Variants in SLC44A5 observed in about 807,000 individuals in gnomAD.
SLC44A5 encodes the protein choline transporter-like protein 5.
SLC44A5 carries 57 observed loss-of-function variants against 101.8 expected under a neutral mutation model. The observed-to-expected ratio is 0.56, with a 90% CI of 0.45 to 0.70. SLC44A5 has a LOEUF of 0.70. Among genes scored for constraint, SLC44A5 ranks in the 30% least tolerant of loss-of-function variants. The pLI, the probability that SLC44A5 is intolerant of heterozygous loss-of-function variation, is 0.00. For synonymous variants in SLC44A5, 281 were observed against 290.9 expected (o/e 0.97, Z 0.35); for missense variants, 737 against 853.1 (o/e 0.86, Z 1.70).
chr1:75,493,460 T>A (rs956261424), intron 2 of SLC44A5, among the ~76,000 whole-genome samples: 7 of 152,036 alleles, frequency 4.6e-5, no homozygotes, highest in Non-Finnish European at 8.8e-5. Flanking sequence ...CAAACAGAAT[T>A]GCAAGAAGAA....
chr1:75,637,135 T>C, the SLC44A5 span, among the ~76,000 whole-genome samples: 2 of 152,008 alleles, frequency 1.3e-5, no homozygotes, highest in Non-Finnish European at 2.9e-5. Flanking sequence ...AAACAGTTCA[T>C]AGGAGCCAGC....
At chr1:75,637,210 A>G in the SLC44A5 span, among the ~76,000 whole-genome samples, 1 of 152,042 alleles carries the variant, frequency 6.6e-6, no homozygotes, top group South Asian at 2.1e-4. Context: ...TACTTGCACA[A>G]AAATGTTCAT....
chr1:75,310,984 A>T (rs1420899785), intron 4 of SLC44A5, among the ~76,000 whole-genome samples: 1 of 152,070 alleles, frequency 6.6e-6, no homozygotes, highest in Non-Finnish European at 1.5e-5. Flanking sequence ...TACAGTTGTC[A>T]TTACATTGAG....
intron 10 of SLC44A5, among the ~76,000 whole-genome samples, chr1:75,237,411 C>G (rs1648191395): frequency 6.6e-6 from 1 of 152,048 alleles, no homozygotes; most frequent in East Asian, 1.9e-4. Context: ...AACCCATAGT[C>G]AAGAATGAAC....
At position 75,252,583 on chromosome 1, in the gene SLC44A5, A is replaced by G. The variant is rs556719205; in HGVS notation, c.261-1289T>C. 2.2e-4 allele frequency among the ~76,000 whole-genome samples: 34 copies of G among 152,310 alleles called. No individual in the cohort carries two copies. The South Asian group carries it at 7.1e-3, about 32-fold the overall frequency. On this transcript the variant is annotated intron_variant, in intron 6 of 23. Coordinates refer to ENST00000370859, the MANE Select transcript of SLC44A5 (RefSeq NM_001130058.2). Reference sequence around the variant, plus strand: ...GACTAGTTGTTTCTTCCAAATTCCAAGTTATAGAGGGTTCTAAGAGAATCT... The same window carrying G: ...GACTAGTTGTTTCTTCCAAATTCCAGGTTATAGAGGGTTCTAAGAGAATCT...
chr1:75,334,929 C>T (rs533383607), intron 4 of SLC44A5, among the ~76,000 whole-genome samples: 3 of 152,278 alleles, frequency 2.0e-5, no homozygotes, highest in East Asian at 1.9e-4. Context: ...TATAATACCA[C>T]GTTGTAGTTA....
chr1:75,249,561 C>T (rs981142058), intron 7 of SLC44A5, among the ~76,000 whole-genome samples: 2 of 152,106 alleles, frequency 1.3e-5, no homozygotes, highest in African/African-American at 4.8e-5. Context: ...GGGAAATCTT[C>T]TCAGAGAACG....
At chr1:75,474,588 CA>C (rs1356794357) in intron 2 of SLC44A5, among the ~76,000 whole-genome samples, 1 of 152,154 alleles carries the variant, frequency 6.6e-6, no homozygotes, top group Admixed American at 6.5e-5. Flanking sequence ...TAATGTTACA[CA>C]AGGATGTTTT....
chr1:75,400,663 T>G (rs993961759), intron 2 of SLC44A5, among the ~76,000 whole-genome samples: 1 of 152,208 alleles, frequency 6.6e-6, no homozygotes. Flanking sequence ...TCTGGGCTTC[T>G]GCCTTAGTTG....
At chr1:75,693,547 T>C in the SLC44A5 span, among the ~76,000 whole-genome samples, 1 of 152,160 alleles carries the variant, frequency 6.6e-6, no homozygotes. Flanking sequence ...GAGGCAACAG[T>C]CAATTAGATA....
At chr1:75,312,428 T>C (rs746349279) in intron 4 of SLC44A5, among the ~76,000 whole-genome samples, 1 of 152,116 alleles carries the variant, frequency 6.6e-6, no homozygotes, top group Non-Finnish European at 1.5e-5. Flanking sequence ...GCAACAGTTC[T>C]GAGAGGTGAG....
chr1:75,317,591 T>A (rs1021643204), intron 4 of SLC44A5, among the ~76,000 whole-genome samples: 3 of 152,156 alleles, frequency 2.0e-5, no homozygotes, highest in Admixed American at 2.0e-4. Context: ...ACATCCTAGA[T>A]GTCTTAACCA....
the SLC44A5 span, among the ~76,000 whole-genome samples, chr1:75,647,156 G>T: frequency 6.6e-6 from 1 of 152,174 alleles, no homozygotes; most frequent in Non-Finnish European, 1.5e-5. Context: ...TTGGGACTTG[G>T]TGCCCTGCAT....
chr1:75,550,723 T>G lies in SLC44A5; in HGVS notation c.-69-9207A>C, dbSNP rs190460026. On this transcript the variant is annotated intron_variant, in intron 1 of 23. Coordinates refer to ENST00000370859, the MANE Select transcript of SLC44A5 (RefSeq NM_001130058.2). Reference sequence around the variant, plus strand: ...CTGTAAATTTCACAGGATTTGATGATGTCAGTAACTGAATCAGGGAGAAGG... The same window carrying G: ...CTGTAAATTTCACAGGATTTGATGAGGTCAGTAACTGAATCAGGGAGAAGG... Among the ~76,000 whole-genome samples, 781 of 152,206 alleles carry G rather than the reference T, an allele frequency of 5.1e-3. 8 individuals are homozygous for G. Among genetic ancestry groups the G allele is most frequent in the African/African-American group, 0.018 (740 of 41,538 alleles).
intron 3 of SLC44A5, among the ~76,000 whole-genome samples, chr1:75,386,654 A>C (rs1463265124): frequency 6.6e-6 from 1 of 152,184 alleles, no homozygotes; most frequent in Non-Finnish European, 1.5e-5. Flanking sequence ...TTACAGATTC[A>C]ATGCCATCCC....
intron 2 of SLC44A5, among the ~76,000 whole-genome samples, chr1:75,460,795 A>G (rs1273910050): frequency 1.3e-5 from 2 of 152,116 alleles, no homozygotes; most frequent in African/African-American, 4.8e-5. Flanking sequence ...CATTTAACCA[A>G]TCTTTTCTCC....
chr1:75,647,189 C>T, the SLC44A5 span, among the ~76,000 whole-genome samples: 2,396 of 152,264 alleles, frequency 0.016, 77 homozygotes, highest in African/African-American at 0.053. Flanking sequence ...TAAAAGGGGC[C>T]AACATATAGC....
At chr1:75,317,477 A>G (rs1655782684) in intron 4 of SLC44A5, among the ~76,000 whole-genome samples, 1 of 152,206 alleles carries the variant, frequency 6.6e-6, no homozygotes, top group Non-Finnish European at 1.5e-5. Context: ...CTTATTCTCA[A>G]TGTTTTTGTG....
At chr1:75,665,849 C>T in the SLC44A5 span, among the ~76,000 whole-genome samples, 1 of 152,024 alleles carries the variant, frequency 6.6e-6, no homozygotes, top group Non-Finnish European at 1.5e-5. Flanking sequence ...TATGAGCAGT[C>T]AACAAATACA....
Sources: allele counts gnomAD v4.1 joint callset (sites outside exome capture counted in the v4.1 genomes callset), GRCh38; gene constraint gnomAD v4.1.1; transcripts MANE v1.5; gene names NCBI Gene and HGNC (gene_info 2026-07-23, HGNC 2026-07-21).